The following MAP4 variants were observed in gnomAD, a reference collection of about 807,000 sequenced individuals.
The protein encoded by MAP4 is microtubule-associated protein 4.
In MAP4, 76 loss-of-function variants were observed where a neutral mutation model predicts 170.2. The ratio of observed to expected loss-of-function variants is 0.45; its 90% CI spans 0.37 to 0.54. The LOEUF (loss-of-function observed/expected upper bound fraction) is 0.54. Among genes scored for constraint, MAP4 ranks in the 20% least tolerant of loss-of-function variants. The probability of loss-of-function intolerance (pLI) is 0.00; values close to 1 mark genes in which losing one functional copy is unlikely to be tolerated. For missense variants in MAP4, 2,506 were observed against 2,748.0 expected, an observed-to-expected ratio of 0.91 and a Z score of 1.97; for synonymous variants, 909 against 994.5, an observed-to-expected ratio of 0.91 and a Z score of 1.62.
intron 10 of MAP4, among the ~76,000 whole-genome samples, chr3:47,885,981 G>A (rs2097535055): frequency 6.6e-6 from 1 of 152,172 alleles, no homozygotes; most frequent in Admixed American, 6.5e-5. Flanking sequence ...GCCCGCCTCG[G>A]CCTCCCAAAG....
At chr3:48,063,706 A>C (rs2100137048) in intron 1 of MAP4, among the ~76,000 whole-genome samples, 1 of 152,210 alleles carries the variant, frequency 6.6e-6, no homozygotes, top group Non-Finnish European at 1.5e-5. Flanking sequence ...GACATTGAGA[A>C]ACCTCAAATG....
intron 1 of MAP4, among the ~76,000 whole-genome samples, chr3:48,041,927 G>T (rs533842480): frequency 3.9e-5 from 6 of 152,288 alleles, no homozygotes; most frequent in African/African-American, 1.4e-4. Context: ...AGTCCTGGGA[G>T]GGTAGCACAC....
intron 1 of MAP4, among the ~76,000 whole-genome samples, chr3:48,025,851 G>A (rs1210886432): frequency 6.6e-6 from 1 of 150,788 alleles, no homozygotes. Flanking sequence ...AGTGAGCCGA[G>A]ATCGTACCAC....
intron 1 of MAP4, among the ~76,000 whole-genome samples, chr3:48,063,601 C>G (rs1258812389): frequency 1.3e-5 from 2 of 151,956 alleles, no homozygotes; most frequent in East Asian, 3.9e-4. Context: ...AACTAGGATG[C>G]CTTTAATAGG....
At chr3:48,005,090 G>A (rs1383972997) in intron 1 of MAP4, among the ~76,000 whole-genome samples, 1 of 152,146 alleles carries the variant, frequency 6.6e-6, no homozygotes, top group Non-Finnish European at 1.5e-5. Context: ...GGCCAGGCAC[G>A]GTGGCTCACG....
chr3:48,075,266 T>C (rs2100143252), intron 1 of MAP4, among the ~76,000 whole-genome samples: 1 of 152,164 alleles, frequency 6.6e-6, no homozygotes, highest in South Asian at 2.1e-4. Context: ...GGCTCACACC[T>C]GTAATCCCAG....
intron 1 of MAP4, among the ~76,000 whole-genome samples, chr3:48,049,402 T>C (rs2100126332): frequency 1.4e-5 from 2 of 147,750 alleles, no homozygotes; most frequent in Admixed American, 6.7e-5. Context: ...GGAGGATCGT[T>C]TGAGCCTAGG....
rs184232872 is a variant in MAP4 at position 47,907,420 on chromosome 3, T to A, written c.5383+1618A>T. 1.3e-3 allele frequency among the ~76,000 whole-genome samples: 190 copies of A among 151,592 alleles called. 2 individuals are homozygous for A. Among genetic ancestry groups the A allele is most frequent in the East Asian group, 6.4e-3 (33 of 5,186 alleles). ...ACCTATTCGACAATTAGTTTAAAAATTTTTTTTTAACTATTAAAAAGGTAT... is the reference window on the plus strand; with the variant it reads ...ACCTATTCGACAATTAGTTTAAAAAATTTTTTTTAACTATTAAAAAGGTAT... On this transcript the variant is annotated intron_variant, in intron 9 of 20. Transcript: ENST00000683076.
At chr3:47,993,738 G>A (rs2100093756) in intron 2 of MAP4, among the ~76,000 whole-genome samples, 1 of 152,234 alleles carries the variant, frequency 6.6e-6, no homozygotes, top group Admixed American at 6.5e-5. Context: ...CGTAAGTGCT[G>A]TAGTCAAAGC....
In MAP4 at chr3:47,857,476, C is replaced by T; in HGVS notation, c.6538G>A (p.Val2180Ile). ...GCCTTAGACCCACACTTGGAGGAGACCTTAGAGATGTCCACTTTCTTGTTC... is the reference window on the plus strand; with the variant it reads ...GCCTTAGACCCACACTTGGAGGAGATCTTAGAGATGTCCACTTTCTTGTTC... ...IQNKKVDISKVSSKCGSKANI... is the reference protein window; with the variant it reads ...IQNKKVDISKISSKCGSKANI... Residue 2180 changes from valine (V) to isoleucine (I), a missense_variant, in exon 18 of 21, where the codon GTC becomes ATC. Physicochemically the swap from Val to Ile is conservative, Grantham distance 29. This residue lies in a region of MAP4 where 487 missense variants were observed against 511.6 expected (regional missense o/e 0.95). Coordinates refer to ENST00000683076, the MANE Select transcript of MAP4 (RefSeq NM_001385682.1). 1 of 1,614,058 alleles carries T rather than the reference C, an allele frequency of 6.2e-7. No homozygotes were observed. Among genetic ancestry groups the T allele is most frequent in the Non-Finnish European group, 8.5e-7 (1 of 1,179,966 alleles).
At chr3:48,006,408 G>A (rs1029180737) in intron 1 of MAP4, among the ~76,000 whole-genome samples, 4 of 152,122 alleles carry the variant, frequency 2.6e-5, no homozygotes, top group Admixed American at 6.5e-5. Flanking sequence ...TTAAACTAGG[G>A]GCTCATGGAA....
chr3:47,898,082 A>G (rs942012155), intron 10 of MAP4, among the ~76,000 whole-genome samples: 1 of 152,188 alleles, frequency 6.6e-6, no homozygotes, highest in Non-Finnish European at 1.5e-5. Context: ...ATATCTTTCT[A>G]TGGTGCCTTA....
At chr3:47,877,387 G>A in intron 11 of MAP4, 30 bp downstream of exon 11, 1 of 1,516,692 alleles carries the variant, frequency 6.6e-7, no homozygotes, top group Non-Finnish European at 9.2e-7. Context: ...AATTATGGCA[G>A]TAGAAGATAA....
At chr3:48,038,238 T>A (rs1579452369) in intron 1 of MAP4, among the ~76,000 whole-genome samples, 2 of 150,932 alleles carry the variant, frequency 1.3e-5, no homozygotes, top group Non-Finnish European at 2.9e-5. Flanking sequence ...CCAGCACCTA[T>A]CCCAGTTCCA....
At chr3:47,987,160 T>A (rs1215593135) in intron 2 of MAP4, among the ~76,000 whole-genome samples, 1 of 152,210 alleles carries the variant, frequency 6.6e-6, no homozygotes, top group Non-Finnish European at 1.5e-5. Context: ...ACTGTAACCT[T>A]TGATTTCTTA....
At chr3:48,072,873 AAG>A (rs1171903728) in intron 1 of MAP4, among the ~76,000 whole-genome samples, 1 of 152,202 alleles carries the variant, frequency 6.6e-6, no homozygotes, top group African/African-American at 2.4e-5. Context: ...CCAGTAGAGA[AAG>A]AGAAACAAGA....
chr3:47,966,228 C>CTTTTTTTTTTTTTTTTTTTTTT (rs757460367), intron 3 of MAP4, among the ~76,000 whole-genome samples: 1 of 50,220 alleles, frequency 2.0e-5, no homozygotes. Context: ...CCCACACTAC[C>CTTTTTTTTTTTTTTTTTTTTTT]TTTTTTTTTT....
At chr3:47,885,032 C>T (rs1433258262) in intron 10 of MAP4, among the ~76,000 whole-genome samples, 1 of 152,150 alleles carries the variant, frequency 6.6e-6, no homozygotes, top group Admixed American at 6.5e-5. Flanking sequence ...CAGACTGAGC[C>T]CACTGCTGGG....
At chr3:48,007,917 C>T (rs1433672354) in intron 1 of MAP4, among the ~76,000 whole-genome samples, 3 of 152,048 alleles carry the variant, frequency 2.0e-5, no homozygotes, top group Non-Finnish European at 4.4e-5. Flanking sequence ...GTGATCCGCC[C>T]ACCTCAGCCT....
Sources: allele counts gnomAD v4.1 joint callset (sites outside exome capture counted in the v4.1 genomes callset), GRCh38; gene constraint gnomAD v4.1.1; regional missense constraint gnomAD v4.1.1; transcripts MANE v1.5; gene names NCBI Gene and HGNC (gene_info 2026-07-23, HGNC 2026-07-21).